Variants in SEMA6D observed in about 807,000 individuals in gnomAD.
SEMA6D encodes the protein semaphorin-6D.
In SEMA6D, 35 loss-of-function variants were observed where a neutral mutation model predicts 106.6. The observed-to-expected ratio is 0.33, with a 90% CI of 0.25 to 0.44. The LOEUF is 0.44. Ranked by LOEUF, SEMA6D falls within the 20% of genes least tolerant of loss-of-function variation. SEMA6D has a pLI of 1.00. For synonymous variants in SEMA6D, 499 were observed against 487.7 expected (o/e 1.02, Z -0.31); for missense variants, 1,185 against 1,345.9 (o/e 0.88, Z 1.87).
At chr15:47,685,604 C>T (rs1189800487) in intron 4 of SEMA6D, among the ~76,000 whole-genome samples, 3 of 152,174 alleles carry the variant, frequency 2.0e-5, no homozygotes, top group African/African-American at 7.2e-5. Context: ...TGACCCCCTT[C>T]AAGACACCAC....
At chr15:47,232,411 G>A (rs2032260838) in intron 1 of SEMA6D, among the ~76,000 whole-genome samples, 1 of 151,840 alleles carries the variant, frequency 6.6e-6, no homozygotes, top group Admixed American at 6.6e-5. Context: ...AAGTTTTGAG[G>A]AACTGTCAAA....
At chr15:47,528,231 A>G (rs1021587695) in intron 3 of SEMA6D, among the ~76,000 whole-genome samples, 2 of 152,212 alleles carry the variant, frequency 1.3e-5, no homozygotes, top group African/African-American at 4.8e-5. Context: ...TCAGAGGAAT[A>G]ACTAAATTCT....
At chr15:47,571,001 C>T (rs1185044132) in intron 3 of SEMA6D, among the ~76,000 whole-genome samples, 1 of 152,064 alleles carries the variant, frequency 6.6e-6, no homozygotes, top group Non-Finnish European at 1.5e-5. Flanking sequence ...TGAATAGATC[C>T]AAAAGCTGAC....
intron 3 of SEMA6D, among the ~76,000 whole-genome samples, chr15:47,490,340 T>C (rs1168074275): frequency 6.6e-6 from 1 of 152,136 alleles, no homozygotes; most frequent in Non-Finnish European, 1.5e-5. Flanking sequence ...TTTTATTCCC[T>C]AAAAGACACT....
intron 1 of SEMA6D, among the ~76,000 whole-genome samples, chr15:47,236,022 G>A (rs1044215568): frequency 2.6e-5 from 4 of 152,008 alleles, no homozygotes; most frequent in Non-Finnish European, 5.9e-5. Flanking sequence ...ATAGGACTAG[G>A]GTAAATCAAA....
At chr15:47,292,338 T>A (rs1280967645) in intron 1 of SEMA6D, among the ~76,000 whole-genome samples, 1 of 152,232 alleles carries the variant, frequency 6.6e-6, no homozygotes, top group South Asian at 2.1e-4. Context: ...CTACTGGCTA[T>A]ATAAAATTGC....
chr15:47,508,230 C>T (rs1415481838), intron 3 of SEMA6D, among the ~76,000 whole-genome samples: 2 of 152,170 alleles, frequency 1.3e-5, no homozygotes, highest in Non-Finnish European at 2.9e-5. Context: ...GTTAGCATTC[C>T]ATGGGAGAAT....
intron 1 of SEMA6D, among the ~76,000 whole-genome samples, chr15:47,362,908 A>T (rs187875391): frequency 6.6e-6 from 1 of 152,218 alleles, no homozygotes; most frequent in African/African-American, 2.4e-5. Flanking sequence ...GGGGAAAAGT[A>T]TAAACTCTTC....
chr15:47,385,065 T>TTTTTTTTTTTTTTTTTTTTTTTTTTTTA, intron 1 of SEMA6D, among the ~76,000 whole-genome samples: 1 of 137,156 alleles, frequency 7.3e-6, no homozygotes, highest in Non-Finnish European at 1.6e-5. Flanking sequence ...TTTTTTTTTT[T>TTTTTTTTTTTTTTTTTTTTTTTTTTTTA]ACCATAGAAC....
At chr15:47,674,035 A>C (rs1347903731) in intron 4 of SEMA6D, among the ~76,000 whole-genome samples, 1 of 151,570 alleles carries the variant, frequency 6.6e-6, no homozygotes, top group East Asian at 1.9e-4. Context: ...GTCCCCGGAC[A>C]CTCTCTTTCT....
At chr15:47,508,301 A>C (rs1465387599) in intron 3 of SEMA6D, among the ~76,000 whole-genome samples, 5 of 152,344 alleles carry the variant, frequency 3.3e-5, no homozygotes, top group Admixed American at 2.6e-4. Context: ...ACGATATAAA[A>C]GCCCTCTGTA....
chr15:47,288,671 G>C (rs1456242550), intron 1 of SEMA6D, among the ~76,000 whole-genome samples: 4 of 152,096 alleles, frequency 2.6e-5, no homozygotes, highest in African/African-American at 9.7e-5. Flanking sequence ...TGAATGAGAG[G>C]AGTAGTGGGC....
chr15:47,770,444 A>G (rs1397916926), intron 18 of SEMA6D, 53 bp from the exon 19 acceptor site: 2 of 1,438,442 alleles, frequency 1.4e-6, no homozygotes, highest in East Asian at 4.6e-5. Flanking sequence ...TTTGCTATTT[A>G]TTATTATTTT....
chr15:47,748,083 C>T (rs1185233560), intron 1 of SEMA6D, among the ~76,000 whole-genome samples: 2 of 152,086 alleles, frequency 1.3e-5, no homozygotes, highest in Admixed American at 6.6e-5. Flanking sequence ...CCTGTGTTGC[C>T]CATTTCTGGT....
intron 3 of SEMA6D, among the ~76,000 whole-genome samples, chr15:47,522,503 A>G (rs1054147549): frequency 1.2e-4 from 19 of 152,180 alleles, no homozygotes; most frequent in African/African-American, 4.6e-4. Context: ...GTCTCAATAC[A>G]CATTCACTGA....
intron 3 of SEMA6D, among the ~76,000 whole-genome samples, chr15:47,592,312 C>G (rs948152155): frequency 3.3e-5 from 5 of 152,194 alleles, no homozygotes; most frequent in Admixed American, 3.3e-4. Flanking sequence ...GTGAACCAGT[C>G]CTTCCATGTT....
At chr15:47,291,423 C>T (rs372807874) in intron 1 of SEMA6D, among the ~76,000 whole-genome samples, 6 of 152,166 alleles carry the variant, frequency 3.9e-5, no homozygotes, top group African/African-American at 1.4e-4. Flanking sequence ...CCTAGAACTC[C>T]AGCACTGGAC....
intron 3 of SEMA6D, among the ~76,000 whole-genome samples, chr15:47,526,689 T>G (rs1190978893): frequency 1.3e-5 from 2 of 152,192 alleles, no homozygotes; most frequent in African/African-American, 4.8e-5. Flanking sequence ...TTAGCTTTTG[T>G]TGGTGGTGGT....
chr15:47,726,515 T>A (rs1315519093), intron 1 of SEMA6D, among the ~76,000 whole-genome samples: 1 of 152,210 alleles, frequency 6.6e-6, no homozygotes, highest in Non-Finnish European at 1.5e-5. Flanking sequence ...GGACCCATGA[T>A]AGGCAGTGTG....
Sources: allele counts gnomAD v4.1 joint callset (sites outside exome capture counted in the v4.1 genomes callset), GRCh38; gene constraint gnomAD v4.1.1; transcripts MANE v1.5; gene names NCBI Gene and HGNC (gene_info 2026-07-23, HGNC 2026-07-21).